MAP3K5: variants seen among roughly 807,000 people sequenced by gnomAD.
The protein encoded by MAP3K5 is mitogen-activated protein kinase kinase kinase 5.
In MAP3K5, 56 loss-of-function variants were observed where a neutral mutation model predicts 158.7. The observed-to-expected ratio is 0.35, with a 90% CI of 0.28 to 0.44. The LOEUF is 0.44. Among genes scored for constraint, MAP3K5 ranks in the 20% least tolerant of loss-of-function variants. The pLI, the probability that MAP3K5 is intolerant of heterozygous loss-of-function variation, is 1.00. For missense variants in MAP3K5, 1,294 were observed against 1,674.8 expected, an observed-to-expected ratio of 0.77 and a Z score of 3.97; for synonymous variants, 579 against 601.7, an observed-to-expected ratio of 0.96 and a Z score of 0.55.
Position 136,613,275 on chromosome 6 carries a change from T to C in MAP3K5, c.2279-19A>G, listed in dbSNP as rs746836469. The C allele has an allele frequency of 4.4e-6, 7 of 1,604,624 alleles. No individual in the cohort carries two copies. In the Admixed American group the frequency reaches 1.0e-4, roughly 24 times the overall value. On this transcript the variant is annotated intron_variant, in intron 16 of 29. Coordinates refer to ENST00000359015, the MANE Select transcript of MAP3K5 (RefSeq NM_005923.4). This position sits in a 1 kb window ranked among gnomAD's most constrained non-coding sequence, Gnocchi z 4.0. ...AGACTTCCTGTAAAGTAGGGATAAA[T>C]AGTAAATAAATCCTCATTCAAATGA... is the stretch of plus-strand genomic sequence containing the variant.
At chr6:136,642,746 T>C (rs1778043779) in intron 11 of MAP3K5, among the ~76,000 whole-genome samples, 177 bp from the exon 12 acceptor site, 1 of 152,208 alleles carries the variant, frequency 6.6e-6, no homozygotes, top group Admixed American at 6.5e-5. Flanking sequence ...CCAAGGGTAA[T>C]GATTACTCTA....
chr6:136,753,984 A>C (rs976892826), intron 1 of MAP3K5, among the ~76,000 whole-genome samples: 15 of 152,184 alleles, frequency 9.9e-5, no homozygotes, highest in Non-Finnish European at 1.9e-4. Context: ...GGAGTACTAG[A>C]AAATCCGAGG....
At chr6:136,576,342 C>T (rs1395518534) in intron 25 of MAP3K5, among the ~76,000 whole-genome samples, 2 of 152,110 alleles carry the variant, frequency 1.3e-5, no homozygotes, top group Non-Finnish European at 2.9e-5. Context: ...CATGGGGTCT[C>T]GCTCTGTCGC....
At chr6:136,589,442 G>A (rs1427572049) in intron 23 of MAP3K5, among the ~76,000 whole-genome samples, 1 of 152,148 alleles carries the variant, frequency 6.6e-6, no homozygotes, top group East Asian at 1.9e-4. Flanking sequence ...AGAAGCTTGG[G>A]GCTGAGGGAA....
intron 28 of MAP3K5, 80 bp from the exon 29 acceptor site, chr6:136,558,956 T>G: frequency 1.4e-6 from 1 of 737,384 alleles, no homozygotes; most frequent in South Asian, 1.6e-5. Flanking sequence ...AATGTAAACC[T>G]TGACTATAAT....
intron 8 of MAP3K5, among the ~76,000 whole-genome samples, chr6:136,665,360 T>TC (rs1355034188): frequency 9.9e-5 from 15 of 152,040 alleles, no homozygotes; most frequent in Admixed American, 9.8e-4. Flanking sequence ...TTTTTTTTTT[T>TC]TTTGAGATGG....
intron 5 of MAP3K5, 74 bp from the exon 6 acceptor site, chr6:136,696,131 A>G: frequency 1.2e-6 from 1 of 809,194 alleles, no homozygotes; most frequent in Non-Finnish European, 2.0e-6. Flanking sequence ...GTCTTTTGAC[A>G]ACCAGATATC....
At chr6:136,640,993 C>A (rs1777904140) in intron 12 of MAP3K5, among the ~76,000 whole-genome samples, 1 of 152,090 alleles carries the variant, frequency 6.6e-6, no homozygotes, top group South Asian at 2.1e-4. Context: ...ATAGGGCTAC[C>A]ATACCTAATT....
At chr6:136,612,324 T>C (rs180903442) in intron 17 of MAP3K5, among the ~76,000 whole-genome samples, 1 of 152,270 alleles carries the variant, frequency 6.6e-6, no homozygotes, top group Non-Finnish European at 1.5e-5. Flanking sequence ...AAGTTCTTCA[T>C]AATCTGCTAC....
intron 28 of MAP3K5, among the ~76,000 whole-genome samples, chr6:136,559,086 C>T (rs549589778): frequency 1.3e-4 from 20 of 152,342 alleles, no homozygotes; most frequent in African/African-American, 4.8e-4. Context: ...CGCAGTGGCT[C>T]ACGCCTGTAA....
intron 17 of MAP3K5, 138 bp from the exon 18 acceptor site, chr6:136,611,525 T>C (rs189626251): frequency 2.4e-4 from 129 of 533,930 alleles, no homozygotes; most frequent in African/African-American, 2.2e-3. Flanking sequence ...TCTTCATTAA[T>C]AGTTTATCTC....
intron 7 of MAP3K5, among the ~76,000 whole-genome samples, chr6:136,691,215 G>A (rs1391120084): frequency 6.6e-6 from 1 of 151,910 alleles, no homozygotes; most frequent in Non-Finnish European, 1.5e-5. Flanking sequence ...TTATTTGTTT[G>A]TTTGTTTGAA....
chr6:136,712,113 C>G (rs569404821), intron 2 of MAP3K5, among the ~76,000 whole-genome samples: 8 of 151,324 alleles, frequency 5.3e-5, no homozygotes, highest in Non-Finnish European at 1.2e-4. Flanking sequence ...AAGTAGGTAT[C>G]TGTCTCTAAA....
intron 25 of MAP3K5, among the ~76,000 whole-genome samples, chr6:136,569,466 T>C (rs928871727): frequency 6.6e-6 from 1 of 152,194 alleles, no homozygotes; most frequent in Non-Finnish European, 1.5e-5. Context: ...CAAGCATTTC[T>C]TTATGCTGAC....
chr6:136,760,339 T>C (rs1783692821), intron 1 of MAP3K5, among the ~76,000 whole-genome samples: 1 of 152,142 alleles, frequency 6.6e-6, no homozygotes, highest in African/African-American at 2.4e-5. Context: ...ATCATAAATC[T>C]CAAGGCACAT....
intron 1 of MAP3K5, among the ~76,000 whole-genome samples, chr6:136,724,342 G>T (rs546734539): frequency 2.0e-5 from 3 of 150,112 alleles, no homozygotes. Flanking sequence ...TCCACCACCC[G>T]GGTTCAAGTG....
intron 7 of MAP3K5, among the ~76,000 whole-genome samples, chr6:136,678,148 GT>G (rs756811840): frequency 2.2e-4 from 34 of 151,724 alleles, no homozygotes; most frequent in Admixed American, 1.1e-3. Flanking sequence ...TATTTTCTGG[GT>G]TTTTTTTATT....
intron 1 of MAP3K5, among the ~76,000 whole-genome samples, chr6:136,741,973 A>G (rs141774227): frequency 5.3e-5 from 8 of 152,312 alleles, no homozygotes; most frequent in African/African-American, 9.6e-5. Flanking sequence ...AATCTATAAA[A>G]CCCTAATAAA....
intron 1 of MAP3K5, among the ~76,000 whole-genome samples, chr6:136,743,756 T>C (rs2114888835): frequency 6.6e-6 from 1 of 152,358 alleles, no homozygotes; most frequent in East Asian, 1.9e-4. Flanking sequence ...AACAGCTTTA[T>C]TCATAATTGC....
Sources: allele counts gnomAD v4.1 joint callset (sites outside exome capture counted in the v4.1 genomes callset), GRCh38; gene constraint gnomAD v4.1.1; non-coding constraint Gnocchi (gnomAD v3.1); transcripts MANE v1.5; gene names NCBI Gene and HGNC (gene_info 2026-07-23, HGNC 2026-07-21).